HDX: variants seen among roughly 807,000 people sequenced by gnomAD.
HDX encodes chromosome X open reading frame 43.
HDX carries 19 observed loss-of-function variants against 45.2 expected under a neutral mutation model. The ratio of observed to expected loss-of-function variants is 0.42; its 90% confidence interval spans 0.29 to 0.62. HDX has a LOEUF of 0.62. Among genes scored for constraint, HDX ranks in the 20% least tolerant of loss-of-function variants. The pLI is 0.20. For missense variants in HDX, 532 were observed against 493.9 expected, an observed-to-expected ratio of 1.08 and a Z score of -0.73; for synonymous variants, 188 against 172.8, an observed-to-expected ratio of 1.09 and a Z score of -0.69.
intron 4 of HDX, among the ~76,000 whole-genome samples, chrX:84,450,373 A>C (rs1431485471): frequency 8.9e-6 from 1 of 111,829 alleles, no homozygotes; most frequent in Non-Finnish European, 1.9e-5. Context: ...TGCAAATGAA[A>C]ACAAAACAAG....
intron 7 of HDX, among the ~76,000 whole-genome samples, chrX:84,343,581 C>T (rs2037133306): frequency 9.0e-6 from 1 of 110,972 alleles, no homozygotes; most frequent in South Asian, 3.8e-4. Flanking sequence ...AGTCACCTCA[C>T]CTGGCCTTAC....
At chrX:84,370,946 G>A (rs767499417) in intron 5 of HDX, among the ~76,000 whole-genome samples, 2 of 112,269 alleles carry the variant, frequency 1.8e-5, no homozygotes, top group East Asian at 5.6e-4. Context: ...TTGTTGGTAA[G>A]CCTCTGTATA....
At chrX:84,396,545 G>A (rs1181579811) in intron 5 of HDX, among the ~76,000 whole-genome samples, 2 of 112,121 alleles carry the variant, frequency 1.8e-5, no homozygotes, top group Non-Finnish European at 3.8e-5. Flanking sequence ...TTCAGTTGTG[G>A]CTGTGGTGGC....
chrX:84,483,892 C>A (rs917173445), intron 2 of HDX, among the ~76,000 whole-genome samples: 1 of 111,399 alleles, frequency 9.0e-6, no homozygotes, highest in Non-Finnish European at 1.9e-5. Context: ...AGGGAAGGGG[C>A]AAAATACCAC....
chrX:84,381,312 A>C (rs1476442511), intron 5 of HDX, among the ~76,000 whole-genome samples: 1 of 111,163 alleles, frequency 9.0e-6, no homozygotes, highest in Non-Finnish European at 1.9e-5. Context: ...TCACTATCTA[A>C]ATACCAGGGA....
intron 5 of HDX, among the ~76,000 whole-genome samples, chrX:84,405,069 T>C (rs1366178824): frequency 9.0e-6 from 1 of 111,125 alleles, no homozygotes; most frequent in Non-Finnish European, 1.9e-5. Context: ...TGATAATTTT[T>C]GTGTATAGTG....
In HDX at chrX:84,469,585, T is replaced by C. The variant is rs775127798; in HGVS notation, c.148-10A>G. On this transcript the variant is annotated splice_polypyrimidine_tract_variant and intron_variant, in intron 3 of 10. Coordinates refer to ENST00000373177, the MANE Select transcript of HDX (RefSeq NM_001177479.2). ...TATTGCCAACCCACGTCTGGAAGGATAAAACATGGTATTATGAAAAAAAAA... is the reference window on the plus strand; with the variant it reads ...TATTGCCAACCCACGTCTGGAAGGACAAAACATGGTATTATGAAAAAAAAA... 1 of 1,130,511 alleles carries C rather than the reference T, an allele frequency of 8.8e-7. No individual in the cohort carries two copies. Among genetic ancestry groups the C allele is most frequent in the Non-Finnish European group, 1.2e-6 (1 of 856,050 alleles). The allele number at this position is 1,130,511 out of a possible 1,213,427, so 93.2% of individuals were successfully genotyped here. A position where few individuals can be genotyped will look rare whatever the true frequency, so the allele number is the denominator to read the frequency against.
intron 5 of HDX, among the ~76,000 whole-genome samples, chrX:84,394,030 C>T (rs1028757585): frequency 1.9e-4 from 21 of 110,254 alleles, no homozygotes; most frequent in Admixed American, 7.7e-4. Context: ...TCTTTATTCC[C>T]TTTTCCTAAT....
chrX:84,431,183 C>T (rs2039497604), intron 5 of HDX, among the ~76,000 whole-genome samples: 1 of 107,651 alleles, frequency 9.3e-6, no homozygotes, highest in Admixed American at 1.0e-4. Flanking sequence ...TCCATATTGC[C>T]TTTTTTTTTA....
intron 8 of HDX, among the ~76,000 whole-genome samples, chrX:84,335,250 T>C (rs764413021): frequency 3.0e-4 from 33 of 110,645 alleles, no homozygotes; most frequent in Non-Finnish European, 4.6e-4. Flanking sequence ...GGATTGGCTC[T>C]GGCAAAAAGG....
intron 5 of HDX, among the ~76,000 whole-genome samples, chrX:84,433,340 T>C (rs2039548608): frequency 8.9e-6 from 1 of 111,766 alleles, no homozygotes; most frequent in African/African-American, 3.2e-5. Context: ...ATTTAGGTAT[T>C]TGATCCATTT....
chrX:84,356,215 C>T (rs2037480502), intron 6 of HDX, among the ~76,000 whole-genome samples: 1 of 111,459 alleles, frequency 9.0e-6, no homozygotes, highest in Admixed American at 9.6e-5. Context: ...AATAGTTTTT[C>T]CTGAAATCTC....
At chrX:84,451,808 C>T (rs2148091201) in intron 4 of HDX, among the ~76,000 whole-genome samples, 1 of 111,430 alleles carries the variant, frequency 9.0e-6, no homozygotes, top group South Asian at 3.7e-4. Context: ...TTCAACTGTA[C>T]ATCAAAAAGT....
chrX:84,409,279 T>C (rs1473569573), intron 5 of HDX, among the ~76,000 whole-genome samples: 1 of 111,415 alleles, frequency 9.0e-6, no homozygotes, highest in African/African-American at 3.3e-5. Flanking sequence ...CTGGTGGGAC[T>C]GTAAACTAGT....
At chrX:84,473,093 T>C (rs1440416572) in intron 3 of HDX, among the ~76,000 whole-genome samples, 1 of 109,525 alleles carries the variant, frequency 9.1e-6, no homozygotes, top group Non-Finnish European at 1.9e-5. Context: ...GTTTCAGTTC[T>C]TTCTTAGAAA....
intron 5 of HDX, among the ~76,000 whole-genome samples, chrX:84,389,602 G>A (rs2038396071): frequency 9.0e-6 from 1 of 111,626 alleles, no homozygotes; most frequent in Non-Finnish European, 1.9e-5. Context: ...TACTCAGGTG[G>A]AGCAATGCAC....
chrX:84,332,544 G>C (rs374118796), intron 9 of HDX, among the ~76,000 whole-genome samples: 1 of 110,711 alleles, frequency 9.0e-6, no homozygotes, highest in South Asian at 3.8e-4. Flanking sequence ...TGAGTCCTGG[G>C]CCCAACCCTC....
intron 3 of HDX, among the ~76,000 whole-genome samples, chrX:84,473,137 T>C (rs1462186207): frequency 1.8e-5 from 2 of 109,928 alleles, no homozygotes; most frequent in Admixed American, 2.0e-4. Context: ...CCTTTTTTTA[T>C]ATCTCCTTCT....
intron 9 of HDX, among the ~76,000 whole-genome samples, chrX:84,332,530 CCT>C (rs2036866181): frequency 9.0e-6 from 1 of 110,800 alleles, no homozygotes; most frequent in Admixed American, 9.7e-5. Flanking sequence ...TGGAAAGAAT[CCT>C]CTGAGTCCTG....
Sources: allele counts gnomAD v4.1 joint callset (sites outside exome capture counted in the v4.1 genomes callset), GRCh38; gene constraint gnomAD v4.1.1; transcripts MANE v1.5; gene names NCBI Gene and HGNC (gene_info 2026-07-23, HGNC 2026-07-21).